Variants in PEBP4 observed in about 807,000 individuals in gnomAD.
PEBP4 encodes the protein phosphatidylethanolamine binding protein 4, also known as phosphatidylethanolamine-binding protein 4.
PEBP4 carries 22 observed loss-of-function variants against 23.9 expected under a neutral mutation model. That is an observed-to-expected ratio of 0.92 (90% CI 0.66 to 1.31). The LOEUF (loss-of-function observed/expected upper bound fraction) is 1.31. Ranked by LOEUF, PEBP4 falls within the 40% of genes most tolerant of loss-of-function variation. The pLI, the probability that PEBP4 is intolerant of heterozygous loss-of-function variation, is 0.00. For missense variants in PEBP4, 324 were observed against 281.7 expected (o/e 1.15, Z -1.07); for synonymous variants, 112 against 99.3 (o/e 1.13, Z -0.76).
At chr8:22,798,161 A>G (rs572713791) in intron 4 of PEBP4, among the ~76,000 whole-genome samples, 11 of 152,224 alleles carry the variant, frequency 7.2e-5, no homozygotes, top group Middle Eastern at 3.4e-3. Context: ...CTCAGATAGG[A>G]GGGGGTCCTA....
At chr8:22,804,625 C>T (rs144290768) in intron 4 of PEBP4, among the ~76,000 whole-genome samples, 1 of 152,220 alleles carries the variant, frequency 6.6e-6, no homozygotes, top group Non-Finnish European at 1.5e-5. Flanking sequence ...ACTTTACACC[C>T]GTTGAACAGC....
intron 3 of PEBP4, among the ~76,000 whole-genome samples, chr8:22,878,564 C>T (rs745397439): frequency 4.2e-4 from 64 of 152,304 alleles, no homozygotes; most frequent in Admixed American, 1.3e-4. Flanking sequence ...AAAGCGCAGA[C>T]AGGTGGGGAG....
chr8:22,726,161 G>A (rs1455798811), intron 5 of PEBP4, among the ~76,000 whole-genome samples: 1 of 152,108 alleles, frequency 6.6e-6, no homozygotes, highest in African/African-American at 2.4e-5. Context: ...ATGCTGTTTT[G>A]GAGGGCCTGT....
At chr8:22,713,597 C>G in intron 6 of PEBP4, 61 bp from the exon 7 acceptor site, 1 of 1,610,656 alleles carries the variant, frequency 6.2e-7, no homozygotes, top group Non-Finnish European at 8.5e-7. Context: ...TGAAAGCTGG[C>G]AGGGGCCTGA....
chr8:22,904,592 G>A (rs1808773637), intron 3 of PEBP4, among the ~76,000 whole-genome samples: 3 of 152,130 alleles, frequency 2.0e-5, no homozygotes, highest in Admixed American at 2.0e-4. Flanking sequence ...AAGTGTAAAG[G>A]AGAAAATAAA....
At chr8:22,751,348 G>A (rs769166464) in intron 4 of PEBP4, among the ~76,000 whole-genome samples, 50 of 152,148 alleles carry the variant, frequency 3.3e-4, no homozygotes, top group African/African-American at 9.9e-4. Flanking sequence ...GGGGGTGGTC[G>A]GAACAAACCT....
At chr8:22,913,175 C>A (rs991012827) in intron 3 of PEBP4, among the ~76,000 whole-genome samples, 1 of 152,184 alleles carries the variant, frequency 6.6e-6, no homozygotes, top group Non-Finnish European at 1.5e-5. Flanking sequence ...CTTCCCTAAA[C>A]CCTCACCTGA....
At chr8:22,784,579 G>C (rs377014109) in intron 4 of PEBP4, among the ~76,000 whole-genome samples, 1 of 152,320 alleles carries the variant, frequency 6.6e-6, no homozygotes, top group Non-Finnish European at 1.5e-5. Context: ...TGGGTGCTGC[G>C]AGCCGGGAGC....
intron 6 of PEBP4, among the ~76,000 whole-genome samples, chr8:22,722,939 A>AT (rs373079543): frequency 2.5e-3 from 364 of 145,222 alleles, no homozygotes; most frequent in Middle Eastern, 0.01. Context: ...CGCTGGGCTA[A>AT]TTTTTTTTTT....
chr8:22,795,143 G>GTATATATATATATATATA (rs1206085493), intron 4 of PEBP4, among the ~76,000 whole-genome samples: 91 of 49,882 alleles, frequency 1.8e-3, no homozygotes, highest in East Asian at 8.0e-3. Flanking sequence ...ATGTGTGTGT[G>GTATATATATATATATATA]TATATATATA....
intron 4 of PEBP4, among the ~76,000 whole-genome samples, chr8:22,772,619 C>A (rs1347410914): frequency 6.6e-6 from 1 of 151,832 alleles, no homozygotes; most frequent in Non-Finnish European, 1.5e-5. Flanking sequence ...TCTTGGCCTC[C>A]CAAAGTAGGT....
intron 3 of PEBP4, among the ~76,000 whole-genome samples, chr8:22,818,133 T>G (rs748888722): frequency 6.6e-6 from 1 of 152,226 alleles, no homozygotes; most frequent in Non-Finnish European, 1.5e-5. Flanking sequence ...ATATGAGGAC[T>G]TATTTTGTGT....
chr8:22,761,156 G>A (rs1423633886), intron 4 of PEBP4, among the ~76,000 whole-genome samples: 4 of 152,162 alleles, frequency 2.6e-5, no homozygotes, highest in Non-Finnish European at 4.4e-5. Flanking sequence ...GGTGGGCTGT[G>A]AGGTCATGCT....
At chr8:22,928,799 A>G (rs1289833665), upstream of PEBP4, among the ~76,000 whole-genome samples, 1 of 152,226 alleles carries the variant, frequency 6.6e-6, no homozygotes, top group African/African-American at 2.4e-5. Flanking sequence ...ACAAACAAGT[A>G]AAATAATTCC....
At chr8:22,861,500 G>A (rs540897505) in intron 3 of PEBP4, among the ~76,000 whole-genome samples, 4 of 152,248 alleles carry the variant, frequency 2.6e-5, no homozygotes, top group African/African-American at 9.6e-5. Flanking sequence ...TAAGTCATAC[G>A]GCCAGAATGC....
intron 4 of PEBP4, among the ~76,000 whole-genome samples, chr8:22,802,428 C>G (rs1806403811): frequency 6.6e-6 from 1 of 152,248 alleles, no homozygotes; most frequent in African/African-American, 2.4e-5. Flanking sequence ...CTGCCCAAAG[C>G]TGCTAGCTGA....
intron 3 of PEBP4, among the ~76,000 whole-genome samples, chr8:22,857,909 T>C (rs1221302891): frequency 6.6e-6 from 1 of 152,166 alleles, no homozygotes; most frequent in Non-Finnish European, 1.5e-5. Flanking sequence ...TAGTAGGAAT[T>C]GTCCGTCACC....
intron 3 of PEBP4, among the ~76,000 whole-genome samples, chr8:22,900,656 C>CAAAA (rs111459741): frequency 3.8e-4 from 51 of 134,442 alleles, no homozygotes; most frequent in African/African-American, 1.4e-3. Flanking sequence ...ACTCTGTCTC[C>CAAAA]AAAAAAAAAA....
intron 2 of PEBP4, chr8:22,924,673 C>T: frequency 1.0e-6 from 1 of 985,370 alleles, no homozygotes; most frequent in Non-Finnish European, 1.2e-6. Context: ...CAGCTCCCAT[C>T]CCTAGGGGAG....
Sources: allele counts gnomAD v4.1 joint callset (sites outside exome capture counted in the v4.1 genomes callset), GRCh38; gene constraint gnomAD v4.1.1; transcripts MANE v1.5; gene names NCBI Gene and HGNC (gene_info 2026-07-23, HGNC 2026-07-21).